Variants in CMIP observed in about 807,000 individuals in gnomAD.
CMIP encodes the protein C-Maf-inducing protein.
A neutral mutation model predicts 97.3 loss-of-function variants in CMIP; 13 were observed. The ratio of observed to expected loss-of-function variants is 0.13; its 90% CI spans 0.09 to 0.21. The LOEUF (loss-of-function observed/expected upper bound fraction) is 0.21. CMIP is among the 10% of genes least tolerant of loss of function. The pLI, the probability that CMIP is intolerant of heterozygous loss-of-function variation, is 1.00. For missense variants in CMIP, 847 were observed against 1,024.9 expected, an observed-to-expected ratio of 0.83 and a Z score of 2.37; for synonymous variants, 538 against 436.3, an observed-to-expected ratio of 1.23 and a Z score of -2.91.
At chr16:81,531,593 A>G (rs1416209096) in intron 1 of CMIP, among the ~76,000 whole-genome samples, 1 of 152,224 alleles carries the variant, frequency 6.6e-6, no homozygotes. Context: ...CATCTCTGTG[A>G]CGTGCTCACA....
rs148198727 is a variant in CMIP, at chr16:81,544,361, G to A, written c.301-63206G>A. 3.8e-4 allele frequency among the ~76,000 whole-genome samples: 58 copies of A among 152,306 alleles called. No homozygotes were observed. In the Middle Eastern group the frequency reaches 0.01, roughly 27 times the overall value. On this transcript the variant is annotated intron_variant, in intron 1 of 20. Coordinates refer to ENST00000537098, the MANE Select transcript of CMIP (RefSeq NM_198390.3). The stretch of plus-strand genomic sequence containing the variant: ...GTCTCTTTGGTGCTATGTGTGTGGC[G>A]TGAACACGTGAGGGCATTATTTTGA...
intron 5 of CMIP, among the ~76,000 whole-genome samples, chr16:81,659,990 T>A (rs996016465): frequency 5.9e-5 from 9 of 152,246 alleles, no homozygotes; most frequent in African/African-American, 2.2e-4. Context: ...TCTTTGGACA[T>A]GCTTGGTAGT....
rs1419133646 is a variant in CMIP, at chr16:81,453,973, C to A, written c.300+8432C>A. On this transcript the variant is annotated intron_variant, in intron 1 of 20. Transcript: ENST00000537098. This position sits in a 1 kb window ranked among gnomAD's most constrained non-coding sequence, Gnocchi z 4.0. Reference sequence around the variant, plus strand: ...GAGAGCATGGAAGCGATGACTACTCCCACCCCAGCATCCTTGGGATGCAGC... The same window carrying A: ...GAGAGCATGGAAGCGATGACTACTCACACCCCAGCATCCTTGGGATGCAGC... Among the ~76,000 whole-genome samples the A allele has an allele frequency of 5.9e-5, 9 of 152,106 alleles. No individual in the cohort carries two copies.
intron 10 of CMIP, among the ~76,000 whole-genome samples, chr16:81,682,883 C>A (rs548414319): frequency 2.0e-5 from 3 of 152,090 alleles, no homozygotes; most frequent in South Asian, 4.1e-4. Context: ...AAATGCGGGT[C>A]GAGGTTGATG....
In CMIP at chr16:81,624,161, T is replaced by C. The variant is rs148673173; in HGVS notation, c.477+3235T>C. 1.8e-3 allele frequency among the ~76,000 whole-genome samples: 279 copies of C among 152,240 alleles called. 3 individuals carry two copies. Among genetic ancestry groups the C allele is most frequent in the African/African-American group, 6.5e-3 (270 of 41,552 alleles). ...AAAAAAAATCAGTGGAACATCAAAA[T>C]TGAGGACCTTTAGAAATTCCACCAC... On this transcript the variant is annotated intron_variant, in intron 3 of 20. Transcript: ENST00000537098.
intron 2 of CMIP, among the ~76,000 whole-genome samples, chr16:81,608,016 A>C (rs533884288): frequency 6.6e-6 from 1 of 152,300 alleles, no homozygotes; most frequent in East Asian, 1.9e-4. Flanking sequence ...CACACAGGTG[A>C]GTTGTTAGGC....
intron 1 of CMIP, among the ~76,000 whole-genome samples, chr16:81,459,056 AT>A (rs1296968928): frequency 7.1e-6 from 1 of 141,402 alleles, no homozygotes; most frequent in African/African-American, 2.6e-5. Context: ...CACCATCACC[AT>A]CACTGTCACC....
intron 1 of CMIP, among the ~76,000 whole-genome samples, chr16:81,524,894 A>G (rs1333822624): frequency 6.6e-6 from 1 of 151,356 alleles, no homozygotes; most frequent in Non-Finnish European, 1.5e-5. Flanking sequence ...CCCAGGTTCA[A>G]GTGATCCTCC....
intron 1 of CMIP, among the ~76,000 whole-genome samples, chr16:81,574,230 C>G (rs748510874): frequency 1.3e-5 from 2 of 152,246 alleles, no homozygotes; most frequent in South Asian, 2.1e-4. Flanking sequence ...ACCTGCCCTA[C>G]TTCCCTCACC....
chr16:81,708,203 A>G (rs553918093), intron 20 of CMIP, among the ~76,000 whole-genome samples: 37 of 152,342 alleles, frequency 2.4e-4, no homozygotes, highest in African/African-American at 7.9e-4. Context: ...GAGAGGACGT[A>G]TGGGACACAG....
chr16:81,698,882 A>G lies in CMIP; in HGVS notation c.1639-803A>G, dbSNP rs186520107. On this transcript the variant is annotated intron_variant, in intron 14 of 20. Coordinates refer to ENST00000537098, the MANE Select transcript of CMIP (RefSeq NM_198390.3). The stretch of plus-strand genomic sequence containing the variant: ...TCCTTCTGCTTAAAACTTCAACGTA[A>G]TAAGTGTTTCAAACATCAGAACTTT... 1.3e-3 allele frequency among the ~76,000 whole-genome samples: 192 copies of G among 152,322 alleles called. 1 individual carries two copies. Among genetic ancestry groups the G allele is most frequent in the Non-Finnish European group, 1.1e-3 (74 of 68,032 alleles).
intron 1 of CMIP, among the ~76,000 whole-genome samples, chr16:81,582,507 T>A (rs533208352): frequency 6.6e-6 from 1 of 152,230 alleles, no homozygotes; most frequent in African/African-American, 2.4e-5. Flanking sequence ...GGGTTTTCAG[T>A]TGTAAGGACC....
chr16:81,666,921 TGGCACG>T, intron 7 of CMIP: 1 of 147,388 alleles, frequency 6.8e-6, no homozygotes, highest in African/African-American at 2.5e-5. Flanking sequence ...GCTTAATGAG[TGGCACG>T]GGTCAGCAGC....
At chr16:81,556,806 T>C (rs927453911) in intron 1 of CMIP, among the ~76,000 whole-genome samples, 2 of 152,200 alleles carry the variant, frequency 1.3e-5, no homozygotes, top group African/African-American at 4.8e-5. Flanking sequence ...AAAGCAGGTG[T>C]CACATAGGAG....
intron 15 of CMIP, 35 bp downstream of exon 15, chr16:81,699,836 T>C: frequency 7.1e-7 from 1 of 1,411,730 alleles, no homozygotes; most frequent in South Asian, 1.2e-5. Context: ...GTGGGGTGGC[T>C]GGCTCCCCGT....
At chr16:81,577,523 C>A (rs999738574) in intron 1 of CMIP, among the ~76,000 whole-genome samples, 1 of 144,662 alleles carries the variant, frequency 6.9e-6, no homozygotes, top group African/African-American at 2.7e-5. Flanking sequence ...TTCATCACCA[C>A]CATCATCCCC....
chr16:81,589,199 C>T lies in CMIP; in HGVS notation c.301-18368C>T, dbSNP rs985549162. Among the ~76,000 whole-genome samples, 13 of 152,054 alleles carry T rather than the reference C, an allele frequency of 8.5e-5. 1 individual carries two copies. Among genetic ancestry groups the T allele is most frequent in the Admixed American group, 3.9e-4 (6 of 15,270 alleles). On this transcript the variant is annotated intron_variant, in intron 1 of 20. Transcript: ENST00000537098. The stretch of plus-strand genomic sequence containing the variant: ...GCAACCACTGCCTCCTTGATTCAAG[C>T]GATTCTCCTGCGTCAGCTTCCCAAG...
At chr16:81,486,998 C>A (rs1408627337) in intron 1 of CMIP, among the ~76,000 whole-genome samples, 2 of 152,260 alleles carry the variant, frequency 1.3e-5, no homozygotes, top group South Asian at 2.1e-4. Flanking sequence ...AGGGAAGCTT[C>A]TGGAGGGAGC....
At chr16:81,572,044 C>T (rs1271550282) in intron 1 of CMIP, among the ~76,000 whole-genome samples, 3 of 152,224 alleles carry the variant, frequency 2.0e-5, no homozygotes, top group Non-Finnish European at 4.4e-5. Context: ...TGGCCCCGAC[C>T]CTGGCACCAG....
Sources: allele counts gnomAD v4.1 joint callset (sites outside exome capture counted in the v4.1 genomes callset), GRCh38; gene constraint gnomAD v4.1.1; non-coding constraint Gnocchi (gnomAD v3.1); transcripts MANE v1.5; gene names NCBI Gene and HGNC (gene_info 2026-07-23, HGNC 2026-07-21).